The following MAD1L1 variants were observed in gnomAD, a reference collection of about 807,000 sequenced individuals.
MAD1L1 encodes the protein mitotic arrest deficient 1 like 1.
MAD1L1 carries 95 observed loss-of-function variants against 96.9 expected under a neutral mutation model. The observed-to-expected ratio is 0.98, with a 90% confidence interval of 0.83 to 1.16. MAD1L1 has a LOEUF of 1.16. Ranked by LOEUF, MAD1L1 falls within the 50% of genes most tolerant of loss-of-function variation. The pLI, the probability that MAD1L1 is intolerant of heterozygous loss-of-function variation, is 0.00. For synonymous variants in MAD1L1, 473 were observed against 396.6 expected, an observed-to-expected ratio of 1.19 and a Z score of -2.29; for missense variants, 1,007 against 954.4, an observed-to-expected ratio of 1.06 and a Z score of -0.73.
At chr7:2,054,665 C>A (rs774187577) in intron 12 of MAD1L1, among the ~76,000 whole-genome samples, 1 of 152,204 alleles carries the variant, frequency 6.6e-6, no homozygotes, top group Non-Finnish European at 1.5e-5. Flanking sequence ...GCCGAGAGAA[C>A]CCTGCTTATC....
At chr7:1,989,738 C>T (rs1781321670) in intron 14 of MAD1L1, among the ~76,000 whole-genome samples, 1 of 152,242 alleles carries the variant, frequency 6.6e-6, no homozygotes, top group East Asian at 1.9e-4. Flanking sequence ...TTGGCTTCAG[C>T]ATGGATCAGC....
chr7:2,215,773 C>G lies in MAD1L1; in HGVS notation c.924+112G>C, dbSNP rs529269146. ...CACGATTCTGCCTCCCACCCCATCA[C>G]AGCAACCTCCATGTTGTAGGTGAGC... On this transcript the variant is annotated intron_variant, in intron 9 of 18. Transcript: ENST00000265854. The G allele has an allele frequency of 1.0e-5, 10 of 972,150 alleles. No homozygotes were observed. In the East Asian group the frequency reaches 2.2e-4, roughly 21 times the overall value. The allele number at this position is 972,150 out of a possible 1,614,324, so 60.2% of individuals were successfully genotyped here.
intron 10 of MAD1L1, among the ~76,000 whole-genome samples, chr7:2,170,498 A>G (rs1026579248): frequency 6.0e-4 from 91 of 152,292 alleles, no homozygotes; most frequent in African/African-American, 2.0e-3. Flanking sequence ...GAGAAGCGGG[A>G]GAGCCAGGCA....
intron 12 of MAD1L1, among the ~76,000 whole-genome samples, chr7:2,016,301 G>T (rs923966515): frequency 6.6e-6 from 1 of 152,184 alleles, no homozygotes; most frequent in African/African-American, 2.4e-5. Flanking sequence ...CTCCCCACCA[G>T]GTGAGGGCAG....
At chr7:2,004,382 G>A (rs539724459) in intron 13 of MAD1L1, among the ~76,000 whole-genome samples, 5 of 152,352 alleles carry the variant, frequency 3.3e-5, no homozygotes, top group South Asian at 2.1e-4. Flanking sequence ...CGGCTGGCAC[G>A]ATGGGCACCG....
At chr7:1,932,469 C>T (rs537962460) in intron 17 of MAD1L1, among the ~76,000 whole-genome samples, 29 of 152,328 alleles carry the variant, frequency 1.9e-4, no homozygotes, top group African/African-American at 6.0e-4. Flanking sequence ...TGCAGATGCC[C>T]GTACTTCTTC....
At chr7:2,090,608 C>T (rs1038488365) in intron 11 of MAD1L1, among the ~76,000 whole-genome samples, 1 of 152,198 alleles carries the variant, frequency 6.6e-6, no homozygotes, top group Non-Finnish European at 1.5e-5. Flanking sequence ...CCTGAGTCTC[C>T]TCTCATTTGT....
chr7:1,957,589 G>A (rs1329811180), intron 16 of MAD1L1, 40 bp downstream of exon 16: 1 of 1,593,814 alleles, frequency 6.3e-7, no homozygotes. Flanking sequence ...GAAATGAGAG[G>A]CCCAGGCAGT....
intron 11 of MAD1L1, among the ~76,000 whole-genome samples, chr7:2,091,017 G>A (rs12537109): frequency 0.012 from 1,828 of 152,224 alleles, 53 homozygotes; most frequent in Admixed American, 0.067. Flanking sequence ...TGATTCACCC[G>A]CGTTTATTTG....
chr7:2,230,263 C>G (rs1005973786), intron 2 of MAD1L1, 120 bp from the exon 3 acceptor site: 27 of 677,334 alleles, frequency 4.0e-5, no homozygotes, highest in East Asian at 5.6e-5. Context: ...TCATAATACA[C>G]CCATGCCTGT....
Position 1,877,678 on chromosome 7 carries a change from G to C in MAD1L1, c.1998+20522C>G, listed in dbSNP as rs187601985. Among the ~76,000 whole-genome samples, 13 of 152,226 alleles carry C rather than the reference G, an allele frequency of 8.5e-5. No homozygotes were observed. In the East Asian group the frequency reaches 2.3e-3, roughly 27 times the overall value. Reference sequence around the variant, plus strand: ...ATATACAGACACAGGTAGATTAAAAGATTAGAAATATAGATAGGTATATAT... The same window carrying C: ...ATATACAGACACAGGTAGATTAAAACATTAGAAATATAGATAGGTATATAT... On this transcript the variant is annotated intron_variant, in intron 18 of 18. Transcript: ENST00000265854.
intron 14 of MAD1L1, among the ~76,000 whole-genome samples, chr7:1,984,069 G>A (rs968969766): frequency 2.6e-5 from 4 of 152,156 alleles, no homozygotes; most frequent in Non-Finnish European, 4.4e-5. Flanking sequence ...ATTTAAACTT[G>A]TGAATTTAGG....
At chr7:1,980,317 G>T in intron 15 of MAD1L1, 136 bp downstream of exon 15, 1 of 705,996 alleles carries the variant, frequency 1.4e-6, no homozygotes. Flanking sequence ...GGACACACCT[G>T]GGCGTATCCG....
chr7:1,977,712 C>A (rs1780710715), intron 15 of MAD1L1, among the ~76,000 whole-genome samples: 1 of 152,262 alleles, frequency 6.6e-6, no homozygotes, highest in Admixed American at 6.5e-5. Flanking sequence ...ACAAATCTGA[C>A]ACACGCCTGG....
chr7:1,912,606 G>C (rs1265632320), intron 17 of MAD1L1, among the ~76,000 whole-genome samples: 4 of 152,072 alleles, frequency 2.6e-5, no homozygotes, highest in Admixed American at 6.5e-5. Context: ...CTGCACCAGT[G>C]GGGGAACGGT....
intron 18 of MAD1L1, among the ~76,000 whole-genome samples, chr7:1,818,286 ACT>A (rs1227078174): frequency 1.3e-5 from 2 of 151,908 alleles, no homozygotes; most frequent in Non-Finnish European, 2.9e-5. Context: ...TGTGGTGCAG[ACT>A]CTGGCCAGGC....
chr7:2,074,536 G>A (rs929462241), intron 11 of MAD1L1, among the ~76,000 whole-genome samples: 7 of 152,250 alleles, frequency 4.6e-5, no homozygotes, highest in African/African-American at 1.7e-4. Context: ...CCATGGAGCT[G>A]GCACCTCTAG....
At chr7:1,975,554 C>G (rs73275235) in intron 15 of MAD1L1, among the ~76,000 whole-genome samples, 2,838 of 152,298 alleles carry the variant, frequency 0.019, 97 homozygotes, top group African/African-American at 0.065. Flanking sequence ...TTTCCAGTTA[C>G]CTCTATGTAG....
intron 18 of MAD1L1, among the ~76,000 whole-genome samples, chr7:1,855,624 C>T (rs552468147): frequency 6.6e-6 from 1 of 152,282 alleles, no homozygotes; most frequent in East Asian, 1.9e-4. Context: ...TCAGAGCGGC[C>T]TTGTCCGTGC....
Sources: allele counts gnomAD v4.1 joint callset (sites outside exome capture counted in the v4.1 genomes callset), GRCh38; gene constraint gnomAD v4.1.1; transcripts MANE v1.5; gene names NCBI Gene and HGNC (gene_info 2026-07-23, HGNC 2026-07-21).